Variants in MECOM observed in about 807,000 individuals in gnomAD.
The protein encoded by MECOM is histone-lysine N-methyltransferase MECOM.
A neutral mutation model predicts 116.3 loss-of-function variants in MECOM; 13 were observed. That is an observed-to-expected ratio of 0.11 (90% CI 0.07 to 0.18). The LOEUF (loss-of-function observed/expected upper bound fraction) is 0.18, where lower values mean the gene tolerates loss of function less well. Ranked by LOEUF, MECOM falls within the 10% of genes least tolerant of loss-of-function variation. MECOM has a pLI of 1.00. For synonymous variants in MECOM, 528 were observed against 535.2 expected, an observed-to-expected ratio of 0.99 and a Z score of 0.19; for missense variants, 1,299 against 1,509.0, an observed-to-expected ratio of 0.86 and a Z score of 2.31.
chr3:169,221,906 A>G (rs1212170033), intron 2 of MECOM, among the ~76,000 whole-genome samples: 2 of 151,998 alleles, frequency 1.3e-5, no homozygotes, highest in Non-Finnish European at 1.5e-5. Context: ...CCTTTCCACT[A>G]TGGCACCAAT....
chr3:169,584,791 T>C (rs1425636474), intron 1 of MECOM, among the ~76,000 whole-genome samples: 1 of 152,104 alleles, frequency 6.6e-6, no homozygotes, highest in East Asian at 1.9e-4. Flanking sequence ...TGCTAAAGAC[T>C]ATATATAAAG....
intron 1 of MECOM, among the ~76,000 whole-genome samples, chr3:169,571,983 G>A (rs1763963393): frequency 6.6e-6 from 1 of 152,144 alleles, no homozygotes; most frequent in South Asian, 2.1e-4. Context: ...AGCCAAAATT[G>A]ATAAATAGGA....
intron 3 of MECOM, chr3:169,133,820 T>C: frequency 1.2e-6 from 1 of 824,916 alleles, no homozygotes; most frequent in Non-Finnish European, 1.7e-6. Context: ...TCCCCTAAAC[T>C]TTCCAGTTAA....
In MECOM at chr3:169,115,737, T is replaced by C; in HGVS notation, c.2135A>G (p.Asp712Gly). 2 of 1,614,130 alleles carry C rather than the reference T, an allele frequency of 1.2e-6. No homozygotes were observed. The highest frequency in any genetic ancestry group is 1.7e-6 in the Non-Finnish European group (2 of 1,180,032). ...AFSQSMYPFP[D>G]RDLRSLPLKM... ...CAAAGGTAACGATCTCAAGTCTCTA[T>C]CAGGAAATGGGTACATTGATTGAGA... The change falls in exon 8 of 17, where the codon GAT (aspartate) becomes GGT (glycine). Residue 712 changes from aspartate to glycine, a missense_variant. This residue lies in a region of MECOM where 340 missense variants were observed against 312.6 expected (regional missense o/e 1.09). Transcript: ENST00000651503.
At chr3:169,612,021 G>A (rs1769339691) in intron 1 of MECOM, among the ~76,000 whole-genome samples, 1 of 152,154 alleles carries the variant, frequency 6.6e-6, no homozygotes, top group Admixed American at 6.5e-5. Context: ...CTACCCAGTA[G>A]GTGCTAGTAG....
intron 2 of MECOM, among the ~76,000 whole-genome samples, chr3:169,213,338 C>T (rs1256468874): frequency 6.6e-6 from 1 of 151,846 alleles, no homozygotes; most frequent in Non-Finnish European, 1.5e-5. Flanking sequence ...TGGAAGATTA[C>T]AAAAAGCAAC....
intron 16 of MECOM, chr3:169,086,450 G>A (rs561521116): frequency 1.0e-3 from 664 of 644,296 alleles, no homozygotes; most frequent in Non-Finnish European, 1.4e-3. Context: ...AAGATAAAAA[G>A]GAGTACAAAG....
At chr3:169,557,512 A>G (rs1023375850) in intron 1 of MECOM, among the ~76,000 whole-genome samples, 2 of 152,226 alleles carry the variant, frequency 1.3e-5, no homozygotes, top group African/African-American at 4.8e-5. Context: ...GGGCCAGGCA[A>G]CCTGAAGCTT....
At chr3:169,660,007 G>A (rs369324104) in intron 1 of MECOM, among the ~76,000 whole-genome samples, 118 of 152,246 alleles carry the variant, frequency 7.8e-4, no homozygotes, top group African/African-American at 2.6e-3. Context: ...GATGCAACTC[G>A]TTCTCTGCTG....
chr3:169,201,126 T>C (rs1467634991), intron 2 of MECOM, among the ~76,000 whole-genome samples: 1 of 152,144 alleles, frequency 6.6e-6, no homozygotes, highest in Non-Finnish European at 1.5e-5. Context: ...GAATTTTATT[T>C]CTTGCACCTT....
rs139239862 is a variant in MECOM, at chr3:169,435,251, A to G, written c.38-53727T>C. On this transcript the variant is annotated intron_variant, in intron 1 of 16. Transcript: ENST00000651503. ...CAGCTTCCTTAACTAGCTCCTGGGT[A>G]GAATTCATTAATTTTTATTAACAGG... 5.3e-5 allele frequency among the ~76,000 whole-genome samples: 8 copies of G among 152,330 alleles called. No homozygotes were observed. In the South Asian group the frequency reaches 6.2e-4, roughly 12 times the overall value.
intron 2 of MECOM, among the ~76,000 whole-genome samples, chr3:169,379,250 G>GT (rs558803076): frequency 4.0e-5 from 6 of 151,678 alleles, no homozygotes; most frequent in Non-Finnish European, 8.8e-5. Context: ...CATTTCTTTG[G>GT]TTTTTTTATA....
intron 16 of MECOM, 137 bp downstream of exon 16, chr3:169,088,863 C>A (rs1184571628): frequency 5.6e-6 from 4 of 713,778 alleles, no homozygotes; most frequent in Non-Finnish European, 8.3e-6. Context: ...AAGATATGAA[C>A]ATTTTTAGAA....
chr3:169,361,875 A>G (rs1018070634), intron 2 of MECOM, among the ~76,000 whole-genome samples: 1 of 151,874 alleles, frequency 6.6e-6, no homozygotes, highest in African/African-American at 2.4e-5. Context: ...GTTCATACCT[A>G]TATCTTTTCA....
At chr3:169,437,180 T>A (rs1023979558) in intron 1 of MECOM, among the ~76,000 whole-genome samples, 1 of 152,214 alleles carries the variant, frequency 6.6e-6, no homozygotes, top group African/African-American at 2.4e-5. Context: ...AATATTAAAC[T>A]AATATTCTCC....
chr3:169,464,409 C>T lies in MECOM; in HGVS notation c.38-82885G>A, dbSNP rs921101245. On this transcript the variant is annotated intron_variant, in intron 1 of 16. Coordinates refer to ENST00000651503, the MANE Select transcript of MECOM (RefSeq NM_004991.4). ...TTGGAAACAAAAGAAAATCTCAAAA[C>T]ACTATCCAAAAAATCTTCCTTGTTG... Among the ~76,000 whole-genome samples, 8 of 152,178 alleles carry T rather than the reference C, an allele frequency of 5.3e-5. No homozygotes were observed. In the South Asian group the frequency reaches 6.2e-4, roughly 12 times the overall value.
intron 7 of MECOM, among the ~76,000 whole-genome samples, chr3:169,119,059 C>T (rs1328117429): frequency 1.3e-5 from 2 of 152,156 alleles, no homozygotes; most frequent in African/African-American, 4.8e-5. Flanking sequence ...TATATTCAGC[C>T]TATTAGAGCA....
At chr3:169,146,892 G>A (rs2149309977) in intron 2 of MECOM, 2 of 1,026,358 alleles carry the variant, frequency 1.9e-6, no homozygotes, top group African/African-American at 1.7e-5. Flanking sequence ...TTTTTTAAAA[G>A]CCTCGCGTCT....
rs148773995 is a variant in MECOM at position 169,276,477 on chromosome 3, C to T, written c.375+104710G>A. ...CTGAGGCAGGATAATTGCTTGAAAC[C>T]GGGAGGCAGAGGTTGCAGTGAGCTG... On this transcript the variant is annotated intron_variant, in intron 2 of 16. Coordinates refer to ENST00000651503, the MANE Select transcript of MECOM (RefSeq NM_004991.4). 2.1e-3 allele frequency among the ~76,000 whole-genome samples: 312 copies of T among 148,166 alleles called. 3 individuals are homozygous for T. Among genetic ancestry groups the T allele is most frequent in the African/African-American group, 7.0e-3 (282 of 40,160 alleles).
Sources: gnomAD v4.1 joint callset for allele counts (sites outside exome capture counted in the v4.1 genomes callset) on GRCh38, gnomAD v4.1.1 for gene constraint, gnomAD v4.1.1 regional missense constraint, MANE v1.5 for transcripts, NCBI Gene and HGNC (gene_info 2026-07-23, HGNC 2026-07-21) for gene names.